The following PCDH11X variants were observed in gnomAD, a reference collection of about 807,000 sequenced individuals.
PCDH11X encodes the protein protocadherin-11 X-linked.
PCDH11X carries 18 observed loss-of-function variants against 53.3 expected under a neutral mutation model. The observed-to-expected ratio is 0.34, with a 90% CI of 0.23 to 0.50. The LOEUF (loss-of-function observed/expected upper bound fraction) is 0.50, where lower values mean the gene tolerates loss of function less well. Among genes scored for constraint, PCDH11X ranks in the 20% least tolerant of loss-of-function variants. PCDH11X has a pLI of 0.98. For missense variants in PCDH11X, 570 were observed against 1,032.4 expected, an observed-to-expected ratio of 0.55 and a Z score of 6.14; for synonymous variants, 279 against 393.3, an observed-to-expected ratio of 0.71 and a Z score of 3.44.
chrX:92,108,679 A>G (rs1168695272), intron 6 of PCDH11X, among the ~76,000 whole-genome samples: 1 of 111,645 alleles, frequency 9.0e-6, no homozygotes, highest in Non-Finnish European at 1.9e-5. Context: ...AATTCCAATA[A>G]TGCATCCGTA....
rs182966754 is a variant in PCDH11X at position 91,870,552 on chromosome X, C to T, written c.541-6229C>T. ...ATGACAGAAATTCCTATTCTTTGGACTAACATTTAAAAAAAAGAACCACAT... is the reference window on the plus strand; with the variant it reads ...ATGACAGAAATTCCTATTCTTTGGATTAACATTTAAAAAAAAGAACCACAT... On this transcript the variant is annotated intron_variant, in intron 5 of 10. Coordinates refer to ENST00000682573, the MANE Select transcript of PCDH11X (RefSeq NM_032968.5). Among the ~76,000 whole-genome samples the T allele has an allele frequency of 2.4e-3, 269 of 110,018 alleles. 1 individual carries two copies. Among genetic ancestry groups the T allele is most frequent in the African/African-American group, 8.4e-3 (256 of 30,388 alleles).
In PCDH11X at chrX:92,007,302, G is replaced by T. The variant is rs113390806; in HGVS notation, c.3033+128029G>T. ...ACCTAATGTTTTAATGTATTCATCT[G>T]AGCTGATATTCAAACCACAAGACAC... On this transcript the variant is annotated intron_variant, in intron 6 of 10. Transcript: ENST00000682573. 2.0e-3 allele frequency among the ~76,000 whole-genome samples: 228 copies of T among 111,608 alleles called. 1 individual carries two copies. The highest frequency in any genetic ancestry group is 7.0e-3 in the African/African-American group (216 of 30,652).
chrX:91,973,575 T>G (rs1015800187), intron 6 of PCDH11X, among the ~76,000 whole-genome samples: 11 of 105,765 alleles, frequency 1.0e-4, no homozygotes, highest in African/African-American at 3.8e-4. Flanking sequence ...AATGTATACA[T>G]ACAGAAAAAC....
chrX:91,873,792 C>T (rs370755460), intron 5 of PCDH11X, among the ~76,000 whole-genome samples: 2 of 111,624 alleles, frequency 1.8e-5, no homozygotes, highest in African/African-American at 3.2e-5. Context: ...AACTTTGGAA[C>T]ATTTTCCTTG....
At chrX:92,138,943 T>C (rs1465454304) in intron 6 of PCDH11X, among the ~76,000 whole-genome samples, 1 of 109,148 alleles carries the variant, frequency 9.2e-6, no homozygotes, top group Non-Finnish European at 1.9e-5. Context: ...CCACCAATTT[T>C]CCTAGGCTTC....
intron 8 of PCDH11X, among the ~76,000 whole-genome samples, chrX:92,334,402 G>A (rs1173558319): frequency 9.0e-6 from 1 of 111,587 alleles, no homozygotes; most frequent in Non-Finnish European, 1.9e-5. Flanking sequence ...ACAGTGAGCT[G>A]AAGTGTTGCA....
At chrX:92,609,825 C>T (rs1247792737) in intron 10 of PCDH11X, among the ~76,000 whole-genome samples, 2 of 110,830 alleles carry the variant, frequency 1.8e-5, no homozygotes, top group Non-Finnish European at 3.8e-5. Context: ...GTTTAGCTTC[C>T]ACTTATAAGG....
chrX:91,807,883 T>C (rs909329092), intron 1 of PCDH11X, among the ~76,000 whole-genome samples: 5 of 108,437 alleles, frequency 4.6e-5, no homozygotes, highest in African/African-American at 1.7e-4. Flanking sequence ...GTTAGCTCTG[T>C]CGATCCAGGG....
At chrX:91,872,616 C>T (rs1378454408) in intron 5 of PCDH11X, among the ~76,000 whole-genome samples, 2 of 107,160 alleles carry the variant, frequency 1.9e-5, no homozygotes, top group Non-Finnish European at 3.9e-5. Context: ...GAGAGTTTGC[C>T]CCTATACACA....
intron 6 of PCDH11X, among the ~76,000 whole-genome samples, chrX:92,134,442 T>G (rs1397798402): frequency 9.0e-6 from 1 of 111,188 alleles, no homozygotes; most frequent in Non-Finnish European, 1.9e-5. Context: ...TTCTTCTTAA[T>G]GAAACTAATT....
chrX:91,795,444 T>A (rs1218171076), intron 1 of PCDH11X, among the ~76,000 whole-genome samples: 1 of 110,730 alleles, frequency 9.0e-6, no homozygotes, highest in Non-Finnish European at 1.9e-5. Flanking sequence ...ATAATGATCA[T>A]ATAGCCCAAA....
At chrX:91,813,799 T>C (rs1190794865) in intron 4 of PCDH11X, among the ~76,000 whole-genome samples, 1 of 109,708 alleles carries the variant, frequency 9.1e-6, no homozygotes, top group Non-Finnish European at 1.9e-5. Context: ...AATGCTTTGT[T>C]TTAAAAAAAC....
intron 8 of PCDH11X, among the ~76,000 whole-genome samples, chrX:92,359,548 G>A (rs2070296304): frequency 9.0e-6 from 1 of 111,115 alleles, no homozygotes; most frequent in Admixed American, 9.6e-5. Context: ...TCAAAAGCCA[G>A]TGTTTTCAGC....
At chrX:92,275,057 A>C (rs1233154236) in intron 8 of PCDH11X, among the ~76,000 whole-genome samples, 17 of 103,562 alleles carry the variant, frequency 1.6e-4, no homozygotes, top group African/African-American at 4.2e-4. Flanking sequence ...ATGAGGAAGA[A>C]AATAGATTTT....
chrX:92,361,586 C>T (rs779161622), intron 8 of PCDH11X, among the ~76,000 whole-genome samples: 1 of 110,753 alleles, frequency 9.0e-6, no homozygotes, highest in East Asian at 2.8e-4. Flanking sequence ...TTACTATCCC[C>T]GTTTTACAAA....
At chrX:92,118,100 C>T (rs1193236946) in intron 6 of PCDH11X, among the ~76,000 whole-genome samples, 1 of 111,243 alleles carries the variant, frequency 9.0e-6, no homozygotes, top group Admixed American at 9.7e-5. Context: ...ATGTTTCATT[C>T]ATATGCAGGT....
At chrX:92,113,345 T>C (rs1299343589) in intron 6 of PCDH11X, 2 of 1,197,838 alleles carry the variant, frequency 1.7e-6, no homozygotes, top group African/African-American at 1.8e-5. Context: ...ACCATGTTAA[T>C]AGCCACATCT....
chrX:92,050,027 G>A (rs1429230394), intron 6 of PCDH11X, among the ~76,000 whole-genome samples: 13 of 111,967 alleles, frequency 1.2e-4, no homozygotes, highest in Non-Finnish European at 5.6e-5. Flanking sequence ...TGCCCGCCTC[G>A]GCCTCCCAAG....
intron 6 of PCDH11X, among the ~76,000 whole-genome samples, chrX:92,065,082 G>T (rs1223803452): frequency 4.0e-5 from 4 of 100,102 alleles, no homozygotes; most frequent in Non-Finnish European, 5.8e-5. Flanking sequence ...GGATCCCTGG[G>T]GCTCGTGGGT....
Sources: gnomAD v4.1 joint callset for allele counts (sites outside exome capture counted in the v4.1 genomes callset) on GRCh38, gnomAD v4.1.1 for gene constraint, MANE v1.5 for transcripts, NCBI Gene and HGNC (gene_info 2026-07-23, HGNC 2026-07-21) for gene names.